Variants in UBE2D2 observed in about 807,000 individuals in gnomAD.
UBE2D2 encodes the protein ubiquitin conjugating enzyme E2 D2.
UBE2D2 carries 2 observed loss-of-function variants against 24.2 expected under a neutral mutation model. That is an observed-to-expected ratio of 0.08 (90% CI 0.03 to 0.26). The LOEUF is 0.26. Among genes scored for constraint, UBE2D2 ranks in the 10% least tolerant of loss-of-function variants. The pLI, the probability that UBE2D2 is intolerant of heterozygous loss-of-function variation, is 1.00. For synonymous variants in UBE2D2, 58 were observed against 56.5 expected (o/e 1.03, Z -0.12); for missense variants, 44 against 177.6 (o/e 0.25, Z 4.28).
intron 1 of UBE2D2, among the ~76,000 whole-genome samples, chr5:139,588,255 T>TTTTGTTTTG (rs1554078749): frequency 1.3e-5 from 2 of 151,630 alleles, no homozygotes; most frequent in African/African-American, 4.9e-5. Flanking sequence ...AGCGTTTTTT[T>TTTTGTTTTG]TTTTGTTTTG....
intron 1 of UBE2D2, among the ~76,000 whole-genome samples, chr5:139,583,958 A>C (rs1449653652): frequency 6.6e-6 from 1 of 152,148 alleles, no homozygotes; most frequent in Admixed American, 6.5e-5. Context: ...TTGTAGCGCA[A>C]TTCCTTTTTT....
chr5:139,578,434 TTGTGTGTGTG>T (rs34697798), intron 1 of UBE2D2, among the ~76,000 whole-genome samples: 11 of 144,970 alleles, frequency 7.6e-5, no homozygotes, highest in East Asian at 2.0e-4. Context: ...GTTTTGTGTT[TTGTGTGTGTG>T]TGTGTGTGTG....
At chr5:139,539,239 G>A (rs1259266215) in intron 1 of UBE2D2, among the ~76,000 whole-genome samples, 7 of 151,980 alleles carry the variant, frequency 4.6e-5, no homozygotes, top group Non-Finnish European at 1.0e-4. Flanking sequence ...TGGTCAGGCT[G>A]GTCTCGAAAC....
chr5:139,603,825 T>C lies in UBE2D2; in HGVS notation c.88+3390T>C, dbSNP rs566209299. ...ATTAGCCAGGTGTGGTGGTGGGAGC[T>C]GTAATCCCATCTATTTGGGAGGCTG... On this transcript the variant is annotated intron_variant, in intron 2 of 6. Coordinates refer to ENST00000398733, the MANE Select transcript of UBE2D2 (RefSeq NM_003339.3). Among the ~76,000 whole-genome samples, 13 of 151,470 alleles carry C rather than the reference T, an allele frequency of 8.6e-5. No individual in the cohort carries two copies. In the Admixed American group the frequency reaches 8.6e-4, roughly 10 times the overall value.
chr5:139,554,440 C>T (rs142362565), intron 1 of UBE2D2, among the ~76,000 whole-genome samples: 5 of 152,282 alleles, frequency 3.3e-5, no homozygotes, highest in Admixed American at 2.0e-4. Context: ...AATCATACAG[C>T]CCATATTCTG....
At chr5:139,567,857 C>G (rs915634340) in intron 1 of UBE2D2, among the ~76,000 whole-genome samples, 1 of 152,210 alleles carries the variant, frequency 6.6e-6, no homozygotes, top group South Asian at 2.1e-4. Flanking sequence ...TGTGTGAGGT[C>G]TTGGGAAAAC....
chr5:139,621,711 C>T (rs576552758), intron 5 of UBE2D2, among the ~76,000 whole-genome samples: 1 of 152,150 alleles, frequency 6.6e-6, no homozygotes, highest in African/African-American at 2.4e-5. Flanking sequence ...CAGCCTTAAC[C>T]TCTTGGGCGT....
upstream of UBE2D2, among the ~76,000 whole-genome samples, chr5:139,558,734 T>A (rs553045939): frequency 6.6e-6 from 1 of 152,180 alleles, no homozygotes; most frequent in Non-Finnish European, 1.5e-5. Flanking sequence ...TGGTTAATTA[T>A]TGGATGATGA....
chr5:139,595,244 G>T (rs748445853), intron 1 of UBE2D2, among the ~76,000 whole-genome samples: 1 of 152,084 alleles, frequency 6.6e-6, no homozygotes, highest in Admixed American at 6.6e-5. Flanking sequence ...CACATGTTCC[G>T]ACTAGATCGA....
intron 1 of UBE2D2, among the ~76,000 whole-genome samples, chr5:139,577,328 T>C (rs898066202): frequency 9.9e-5 from 15 of 151,818 alleles, no homozygotes; most frequent in Non-Finnish European, 1.9e-4. Context: ...TTACTAAAAA[T>C]AGTTCATGCA....
chr5:139,626,895 C>T lies in UBE2D2; in HGVS notation c.*94C>T. 1.9e-6 allele frequency: 2 copies of T among 1,041,086 alleles called. No homozygotes were observed. The highest frequency in any genetic ancestry group is 2.9e-6 in the Non-Finnish European group (2 of 687,048). 64.5% of individuals were successfully genotyped at this position (1,041,086 alleles called of 1,614,324 possible). The stretch of plus-strand genomic sequence containing the variant: ...TTTCCATTTGACTGCTTTCTATGAG[C>T]CCACGCCTCATCTTCCCCTGTGCAC... On this transcript the variant is annotated 3_prime_UTR_variant, in exon 7 of 7. Coordinates refer to ENST00000398733, the MANE Select transcript of UBE2D2 (RefSeq NM_003339.3).
upstream of UBE2D2, among the ~76,000 whole-genome samples, chr5:139,556,637 A>G (rs113374876): frequency 1.2e-4 from 18 of 152,310 alleles, 2 homozygotes; most frequent in African/African-American, 4.1e-4. Flanking sequence ...GGACATCACA[A>G]TGGATGCTAC....
At chr5:139,562,317 G>A in intron 1 of UBE2D2, 1 of 1,349,072 alleles carries the variant, frequency 7.4e-7, no homozygotes, top group Non-Finnish European at 9.8e-7. Flanking sequence ...TATATCCTGA[G>A]TTCACTTACC....
chr5:139,603,219 CAG>C (rs1171185413), intron 2 of UBE2D2, among the ~76,000 whole-genome samples: 1 of 152,130 alleles, frequency 6.6e-6, no homozygotes, highest in Non-Finnish European at 1.5e-5. Context: ...TGGTTGGAGT[CAG>C]GGGATTTGAT....
At chr5:139,561,962 A>C in intron 1 of UBE2D2, 147 bp downstream of exon 1, 1 of 1,153,810 alleles carries the variant, frequency 8.7e-7, no homozygotes, top group Non-Finnish European at 1.2e-6. Flanking sequence ...CCCCACTCCC[A>C]GTGATGGCGC....
At chr5:139,581,497 C>G (rs1292934018) in intron 1 of UBE2D2, among the ~76,000 whole-genome samples, 1 of 151,794 alleles carries the variant, frequency 6.6e-6, no homozygotes, top group South Asian at 2.1e-4. Flanking sequence ...ATGCTTAGGA[C>G]GCTAAGTGTT....
chr5:139,560,659 C>T (rs966946633), upstream of UBE2D2, among the ~76,000 whole-genome samples: 1 of 152,180 alleles, frequency 6.6e-6, no homozygotes, highest in African/African-American at 2.4e-5. Flanking sequence ...GGGGCACACA[C>T]TGTGATTTTT....
chr5:139,566,181 G>C (rs1425527893), intron 1 of UBE2D2, among the ~76,000 whole-genome samples: 1 of 151,974 alleles, frequency 6.6e-6, no homozygotes, highest in Non-Finnish European at 1.5e-5. Context: ...ACCATGCCCA[G>C]CTAATTTTTG....
At chr5:139,602,168 CAGCCT>C (rs1352161414) in intron 2 of UBE2D2, among the ~76,000 whole-genome samples, 1 of 152,000 alleles carries the variant, frequency 6.6e-6, no homozygotes, top group Non-Finnish European at 1.5e-5. Flanking sequence ...TCTCCTGCCT[CAGCCT>C]TCCAAGTAGC....
Sources: allele counts gnomAD v4.1 joint callset (sites outside exome capture counted in the v4.1 genomes callset), GRCh38; gene constraint gnomAD v4.1.1; transcripts MANE v1.5; gene names NCBI Gene and HGNC (gene_info 2026-07-23, HGNC 2026-07-21).